Variants in UXS1 observed in about 807,000 individuals in gnomAD.
UXS1 encodes UDP-glucuronic acid decarboxylase 1.
In UXS1, 33 loss-of-function variants were observed where a neutral mutation model predicts 62.6. The observed-to-expected ratio is 0.53, with a 90% CI of 0.40 to 0.70. The LOEUF (loss-of-function observed/expected upper bound fraction) is 0.70, where lower values mean the gene tolerates loss of function less well. Among genes scored for constraint, UXS1 ranks in the 30% least tolerant of loss-of-function variants. UXS1 has a pLI of 0.00. For synonymous variants in UXS1, 213 were observed against 206.8 expected (o/e 1.03, Z -0.26); for missense variants, 434 against 556.3 (o/e 0.78, Z 2.21).
chr2:106,158,034 T>C (rs1351874828), intron 5 of UXS1, 24 bp downstream of exon 5: 4 of 1,532,186 alleles, frequency 2.6e-6, no homozygotes, highest in Admixed American at 2.0e-5. Flanking sequence ...ATATTACAAA[T>C]ACTATTCAGG....
At chr2:106,186,956 T>C (rs1419615413) in intron 1 of UXS1, among the ~76,000 whole-genome samples, 1 of 152,170 alleles carries the variant, frequency 6.6e-6, no homozygotes, top group Non-Finnish European at 1.5e-5. Flanking sequence ...AATGAGATTA[T>C]ATAGAAGAAT....
At chr2:106,145,493 G>C in intron 5 of UXS1, 123 bp from the exon 6 acceptor site, 2 of 1,250,406 alleles carry the variant, frequency 1.6e-6, no homozygotes, top group Non-Finnish European at 2.2e-6. Flanking sequence ...GCAAGGCGGG[G>C]AAGGAAGACA....
At chr2:106,123,627 T>G (rs1406715962) in intron 8 of UXS1, among the ~76,000 whole-genome samples, 2 of 152,198 alleles carry the variant, frequency 1.3e-5, no homozygotes, top group African/African-American at 4.8e-5. Flanking sequence ...TGGGTGCCTG[T>G]TCTTCTAGCC....
chr2:106,168,969 T>A (rs553039132), intron 1 of UXS1, among the ~76,000 whole-genome samples: 1 of 152,366 alleles, frequency 6.6e-6, no homozygotes, highest in Admixed American at 6.5e-5. Context: ...TGTGGTTAAG[T>A]GTTTACTTAC....
intron 4 of UXS1, 142 bp downstream of exon 4, chr2:106,163,525 G>A (rs1295157937): frequency 2.0e-6 from 1 of 508,108 alleles, no homozygotes. Context: ...TGTTCTATCT[G>A]GGTATTACAC....
rs1676849926 is a variant in UXS1 at position 106,093,756 on chromosome 2, C to T, written c.*270G>A. On this transcript the variant is annotated 3_prime_UTR_variant, in exon 15 of 15. Transcript: ENST00000283148. ...ACGACAGTCACAACATATGCTCTCA[C>T]AGCAAGATAAAAAAACTTGAAAATA... 5.4e-6 allele frequency: 2 copies of T among 367,652 alleles called. No individual in the cohort carries two copies. Among genetic ancestry groups the T allele is most frequent in the South Asian group, 7.2e-5 (1 of 13,926 alleles). The allele number at this position is 367,652 out of a possible 1,614,324, so 22.8% of individuals were successfully genotyped here. A position where few individuals can be genotyped will look rare whatever the true frequency, so the allele number is the denominator to read the frequency against.
At chr2:106,103,372 G>C (rs1168307255) in intron 11 of UXS1, among the ~76,000 whole-genome samples, 2 of 152,212 alleles carry the variant, frequency 1.3e-5, no homozygotes, top group African/African-American at 4.8e-5. Context: ...GGCGCCACTG[G>C]TGAGGCAGCC....
Position 106,154,825 on chromosome 2 carries a change from A to G in UXS1, c.291+3233T>C, listed in dbSNP as rs374187793. Among the ~76,000 whole-genome samples the G allele has an allele frequency of 2.6e-5, 4 of 152,180 alleles. No homozygotes were observed. In the East Asian group the frequency reaches 5.8e-4, roughly 22 times the overall value. On this transcript the variant is annotated intron_variant, in intron 5 of 14. Coordinates refer to ENST00000283148, the MANE Select transcript of UXS1 (RefSeq NM_001253875.2). ...AACAATGGAGAAAGCAGTGGATGGC[A>G]CATGTATTAGTTCATTTTGTGCTGC...
intron 4 of UXS1, chr2:106,159,333 C>T (rs941028641): frequency 7.9e-5 from 12 of 152,206 alleles, no homozygotes; most frequent in African/African-American, 2.9e-4. Context: ...ACTTTGTCTC[C>T]TGCTCCAGGA....
At chr2:106,122,834 T>A in intron 9 of UXS1, 136 bp downstream of exon 9, 1 of 1,119,004 alleles carries the variant, frequency 8.9e-7, no homozygotes, top group Non-Finnish European at 1.2e-6. Flanking sequence ...TAATTTATAA[T>A]ACTGGGAAAC....
At chr2:106,189,679 C>T (rs1214329008) in intron 1 of UXS1, among the ~76,000 whole-genome samples, 1 of 152,130 alleles carries the variant, frequency 6.6e-6, no homozygotes, top group Non-Finnish European at 1.5e-5. Context: ...CAACTAGACC[C>T]GAAAGGAAGA....
At chr2:106,177,585 ATTACT>A (rs891104316) in intron 1 of UXS1, among the ~76,000 whole-genome samples, 3 of 152,184 alleles carry the variant, frequency 2.0e-5, no homozygotes, top group Non-Finnish European at 4.4e-5. Context: ...ATACTTTTGT[ATTACT>A]TTAATTTCCG....
intron 9 of UXS1, among the ~76,000 whole-genome samples, chr2:106,115,101 G>T (rs777214288): frequency 1.3e-4 from 20 of 152,152 alleles, no homozygotes; most frequent in Non-Finnish European, 1.9e-4. Context: ...GCAGGCAGGG[G>T]GACAGTCGAT....
chr2:106,109,492 G>C (rs556250526), intron 10 of UXS1, among the ~76,000 whole-genome samples: 2 of 152,246 alleles, frequency 1.3e-5, no homozygotes, highest in South Asian at 4.1e-4. Context: ...CCTGTCCTGG[G>C]CAAATCCAAA....
chr2:106,160,167 C>T (rs1309639346), intron 4 of UXS1: 1 of 152,266 alleles, frequency 6.6e-6, no homozygotes, highest in Non-Finnish European at 1.5e-5. Context: ...GTCATTCCGC[C>T]TCTTCTTCCC....
intron 1 of UXS1, among the ~76,000 whole-genome samples, chr2:106,191,487 AGCATACCT>A (rs1184592321): frequency 1.3e-5 from 2 of 152,344 alleles, no homozygotes; most frequent in Admixed American, 6.5e-5. Context: ...GCTCAGACTT[AGCATACCT>A]GCTCCTTATT....
rs750908852 is a variant in UXS1, at chr2:106,094,043, G to T, written c.1261C>A (p.Arg421=). Residue 421 remains arginine, a synonymous_variant, in exon 15 of 15, where the codon CGG becomes AGG. Transcript: ENST00000283148. ...KPKPARIKKG[R]TRHS ...TGAGGAGTTCAGCTGTGGCGAGTCCGTCCTTTCTTTATTCTGGCAGGCTTT... is the reference window on the plus strand; with the variant it reads ...TGAGGAGTTCAGCTGTGGCGAGTCCTTCCTTTCTTTATTCTGGCAGGCTTT... 6.2e-7 allele frequency: 1 copy of T among 1,612,180 alleles called. No homozygotes were observed. The highest frequency in any genetic ancestry group is 1.3e-5 in the African/African-American group (1 of 74,812).
chr2:106,137,992 A>C (rs1442006765), intron 6 of UXS1, among the ~76,000 whole-genome samples: 2 of 152,106 alleles, frequency 1.3e-5, no homozygotes, highest in African/African-American at 4.8e-5. Context: ...GAGAGTATAA[A>C]CAACTCTGTA....
intron 5 of UXS1, among the ~76,000 whole-genome samples, chr2:106,151,797 A>C (rs1206750064): frequency 6.6e-6 from 1 of 152,242 alleles, no homozygotes; most frequent in Non-Finnish European, 1.5e-5. Context: ...AAAGAGGGAC[A>C]TACAAGTATT....
Sources: allele counts gnomAD v4.1 joint callset (sites outside exome capture counted in the v4.1 genomes callset), GRCh38; gene constraint gnomAD v4.1.1; transcripts MANE v1.5; gene names NCBI Gene and HGNC (gene_info 2026-07-23, HGNC 2026-07-21).